AZIN1: variants seen among roughly 807,000 people sequenced by gnomAD.
AZIN1 encodes ornithine decarboxylase antizyme inhibitor.
A neutral mutation model predicts 47.4 loss-of-function variants in AZIN1; 12 were observed. The observed-to-expected ratio is 0.25, with a 90% CI of 0.16 to 0.41. The LOEUF (loss-of-function observed/expected upper bound fraction) is 0.41, where lower values mean the gene tolerates loss of function less well. Among genes scored for constraint, AZIN1 ranks in the 10% least tolerant of loss-of-function variants. The pLI is 1.00. For synonymous variants in AZIN1, 155 were observed against 176.3 expected, an observed-to-expected ratio of 0.88 and a Z score of 0.96; for missense variants, 410 against 532.4, an observed-to-expected ratio of 0.77 and a Z score of 2.26.
intron 2 of AZIN1, among the ~76,000 whole-genome samples, chr8:102,856,644 T>A (rs975127276): frequency 2.2e-4 from 34 of 152,370 alleles, no homozygotes; most frequent in Admixed American, 1.8e-3. Flanking sequence ...TGTTCTTAAA[T>A]TTCTGCCTTA....
intron 4 of AZIN1, among the ~76,000 whole-genome samples, chr8:102,839,433 G>A (rs374921852): frequency 1.3e-5 from 2 of 152,122 alleles, no homozygotes; most frequent in Non-Finnish European, 2.9e-5. Flanking sequence ...AATTAATAAA[G>A]ATAAAACGTT....
intron 4 of AZIN1, 107 bp downstream of exon 4, chr8:102,839,543 C>T (rs1812042650): frequency 7.9e-6 from 6 of 759,830 alleles, no homozygotes; most frequent in Non-Finnish European, 1.1e-5. Context: ...TATTTTGAAA[C>T]TCCATCCAAA....
rs1811189957 is a variant in AZIN1 at position 102,827,750 on chromosome 8, AT to A, written c.*816del. On this transcript the variant is annotated 3_prime_UTR_variant, in exon 12 of 12. Coordinates refer to ENST00000337198, the MANE Select transcript of AZIN1 (RefSeq NM_148174.4). ...TACAGTTGATTTATGCAGGATTAAC[AT>A]TTTTGGTGTTAAAATTGTTAAACAT... 6.5e-6 allele frequency: 1 copy of A among 152,770 alleles called. No homozygotes were observed. The highest frequency in any genetic ancestry group is 2.4e-5 in the African/African-American group (1 of 41,588). The allele number at this position is 152,770 out of a possible 1,614,324, so 9.5% of individuals were successfully genotyped here. A position where few individuals can be genotyped will look rare whatever the true frequency, so the allele number is the denominator to read the frequency against.
intron 2 of AZIN1, among the ~76,000 whole-genome samples, chr8:102,844,067 C>T (rs1487212377): frequency 2.6e-5 from 4 of 152,218 alleles, no homozygotes; most frequent in Non-Finnish European, 2.9e-5. Context: ...GTTCCTATAA[C>T]ACACATAATT....
chr8:102,830,558 A>C (rs1811381965), intron 9 of AZIN1, among the ~76,000 whole-genome samples: 1 of 151,984 alleles, frequency 6.6e-6, no homozygotes, highest in African/African-American at 2.4e-5. Flanking sequence ...CAAGGAGTTA[A>C]ATATGTGTTT....
chr8:102,832,131 C>T (rs1811500858), intron 9 of AZIN1, among the ~76,000 whole-genome samples: 1 of 152,086 alleles, frequency 6.6e-6, no homozygotes, highest in African/African-American at 2.4e-5. Context: ...AATTTCTACT[C>T]TTCAAAAATG....
chr8:102,829,036 T>C (rs1035044919), intron 11 of AZIN1, among the ~76,000 whole-genome samples: 2 of 152,280 alleles, frequency 1.3e-5, no homozygotes, highest in African/African-American at 4.8e-5. Flanking sequence ...GCTGTACAGG[T>C]TTGTAGCCTA....
chr8:102,849,862 A>G (rs1184857516), intron 2 of AZIN1: 1 of 152,168 alleles, frequency 6.6e-6, no homozygotes, highest in Non-Finnish European at 1.5e-5. Context: ...AAGAGCTGCC[A>G]AAAGAAACAA....
chr8:102,861,476 C>G (rs1333400751), intron 1 of AZIN1, among the ~76,000 whole-genome samples: 3 of 151,860 alleles, frequency 2.0e-5, no homozygotes, highest in Non-Finnish European at 4.4e-5. Context: ...CCCGCCTCAG[C>G]CTCCCAAAGT....
chr8:102,853,256 G>C (rs950964796), intron 2 of AZIN1, among the ~76,000 whole-genome samples: 4 of 152,378 alleles, frequency 2.6e-5, no homozygotes, highest in Admixed American at 1.3e-4. Flanking sequence ...TGTAATCCTA[G>C]AACTTTGGGA....
chr8:102,831,873 T>C (rs2131196428), intron 9 of AZIN1, among the ~76,000 whole-genome samples: 1 of 152,220 alleles, frequency 6.6e-6, no homozygotes, highest in South Asian at 2.1e-4. Context: ...GGAGGACTGC[T>C]TAAGCCGGGA....
At chr8:102,835,485 G>A (rs1811759156) in intron 6 of AZIN1, 2 of 152,090 alleles carry the variant, frequency 1.3e-5, no homozygotes, top group African/African-American at 4.8e-5. Context: ...AAGTAGTATA[G>A]AAAGATACAC....
chr8:102,861,043 T>C (rs943502290), intron 1 of AZIN1, among the ~76,000 whole-genome samples: 2 of 151,960 alleles, frequency 1.3e-5, no homozygotes, highest in South Asian at 2.1e-4. Flanking sequence ...TAAAGAAAAA[T>C]TGGCGAAATC....
chr8:102,861,474 A>C (rs953345255), intron 1 of AZIN1, among the ~76,000 whole-genome samples: 1 of 151,858 alleles, frequency 6.6e-6, no homozygotes, highest in African/African-American at 2.4e-5. Context: ...CACCCGCCTC[A>C]GCCTCCCAAA....
At chr8:102,839,584 C>T (rs931417836) in intron 4 of AZIN1, 66 bp downstream of exon 4, 53 of 1,147,754 alleles carry the variant, frequency 4.6e-5, no homozygotes, top group Non-Finnish European at 3.8e-5. Context: ...GTTCTCTAAC[C>T]GCTGTAACTA....
chr8:102,834,807 A>G, intron 6 of AZIN1, 60 bp from the exon 7 acceptor site: 1 of 1,142,122 alleles, frequency 8.8e-7, no homozygotes, highest in South Asian at 1.3e-5. Flanking sequence ...ACCTCCTGTA[A>G]TTTCTTTCAA....
chr8:102,840,533 A>G (rs1417592229), intron 3 of AZIN1, among the ~76,000 whole-genome samples: 2 of 152,292 alleles, frequency 1.3e-5, no homozygotes, highest in East Asian at 3.9e-4. Context: ...TAAAAAGACA[A>G]GGTTGTTAGT....
chr8:102,860,056 T>C (rs1813533674), intron 1 of AZIN1, among the ~76,000 whole-genome samples: 1 of 152,072 alleles, frequency 6.6e-6, no homozygotes, highest in Non-Finnish European at 1.5e-5. Context: ...ACAGGATAGA[T>C]AGAATGTTTA....
At chr8:102,851,008 T>C (rs2131263395) in intron 2 of AZIN1, among the ~76,000 whole-genome samples, 1 of 152,198 alleles carries the variant, frequency 6.6e-6, no homozygotes, top group East Asian at 1.9e-4. Context: ...CACAGCAATA[T>C]TATTTTTGCA....
Sources: allele counts gnomAD v4.1 joint callset (sites outside exome capture counted in the v4.1 genomes callset), GRCh38; gene constraint gnomAD v4.1.1; transcripts MANE v1.5; gene names NCBI Gene and HGNC (gene_info 2026-07-23, HGNC 2026-07-21).